The following PDZD7 variants were observed in gnomAD, a reference collection of about 807,000 sequenced individuals.
PDZD7 encodes the protein PDZ domain containing 7, also known as PDZ domain-containing protein 7.
PDZD7 carries 72 observed loss-of-function variants against 84.7 expected under a neutral mutation model. The ratio of observed to expected loss-of-function variants is 0.85; its 90% CI spans 0.70 to 1.03. The LOEUF (loss-of-function observed/expected upper bound fraction) is 1.03. Ranked by LOEUF, PDZD7 falls within the 50% of genes least tolerant of loss-of-function variation. The pLI, the probability that PDZD7 is intolerant of heterozygous loss-of-function variation, is 0.00. For missense variants in PDZD7, 1,490 were observed against 1,412.9 expected (o/e 1.05, Z -0.87); for synonymous variants, 594 against 580.7 (o/e 1.02, Z -0.33).
rs141375529 is a variant in PDZD7, at chr10:101,008,418, G to A, written c.*49C>T. On this transcript the variant is annotated 3_prime_UTR_variant, in exon 17 of 17. Coordinates refer to ENST00000619208, the MANE Select transcript of PDZD7 (RefSeq NM_001195263.2). Reference sequence around the variant, plus strand: ...AGAAGTTGGTAGGAGAGGTCCTGGGGATAACGGGATGCTGGAGTCAGTGGG... The same window carrying A: ...AGAAGTTGGTAGGAGAGGTCCTGGGAATAACGGGATGCTGGAGTCAGTGGG... 6.0e-5 allele frequency: 88 copies of A among 1,461,902 alleles called. No homozygotes were observed. The African/African-American group carries it at 7.4e-4, about 12-fold the overall frequency. The allele number at this position is 1,461,902 out of a possible 1,614,324, so 90.6% of individuals were successfully genotyped here.
Position 101,008,682 on chromosome 10 carries a change from CTGA to C in PDZD7, c.2884_2886del (p.Ser962del). 3 of 1,535,972 alleles carry C rather than the reference CTGA, an allele frequency of 2.0e-6. No individual in the cohort carries two copies. In the South Asian group the frequency reaches 3.6e-5, roughly 18 times the overall value. The stretch of plus-strand genomic sequence containing the variant: ...GCAGGAAGGCCCCCATCAGTAAGGG[CTGA>C]TGAGTCAGAGGGTGAGGGCCGTGGG... On this transcript the variant is annotated inframe_deletion, in exon 17 of 17. Coordinates refer to ENST00000619208, the MANE Select transcript of PDZD7 (RefSeq NM_001195263.2).
chr10:101,022,360 C>T lies in PDZD7; in HGVS notation c.568G>A (p.Val190Ile). The change falls in exon 5 of 17, where the codon GTA becomes ATA. Residue 190 changes from valine to isoleucine, a missense_variant. By Grantham distance (29) the Val-to-Ile change is conservative. Transcript: ENST00000619208. ...TWVDVVNRRL[V>I]VEKCGSTPSD... ...GGTGTTGAACCGCACTTCTCCACTA[C>T]CAGGCGCCGATTCACCACATCCACC... 6.2e-7 allele frequency: 1 copy of T among 1,614,176 alleles called. No individual in the cohort carries two copies. Among genetic ancestry groups the T allele is most frequent in the Non-Finnish European group, 8.5e-7 (1 of 1,180,034 alleles).
Position 101,008,109 on chromosome 10 carries a change from C to T in PDZD7, c.*358G>A, listed in dbSNP as rs956438818. ...TGCATTGACCCCTTCAGGGCCCTGT[C>T]TGAGAGTCTGTGTCCCTGGAGGCTT... On this transcript the variant is annotated 3_prime_UTR_variant, in exon 17 of 17. Coordinates refer to ENST00000619208, the MANE Select transcript of PDZD7 (RefSeq NM_001195263.2). 5 of 316,172 alleles carry T rather than the reference C, an allele frequency of 1.6e-5. No homozygotes were observed. The highest frequency in any genetic ancestry group is 2.9e-5 in the Non-Finnish European group (5 of 171,804). The allele number at this position is 316,172 out of a possible 1,614,324, so 19.6% of individuals were successfully genotyped here.
chr10:101,018,055 G>A, intron 9 of PDZD7, 44 bp downstream of exon 9: 1 of 1,612,916 alleles, frequency 6.2e-7, no homozygotes, highest in East Asian at 2.2e-5. Context: ...GCCGAAGCTA[G>A]TGGACTTCAC....
At position 101,023,894 on chromosome 10, in the gene PDZD7, T is replaced by A. The variant is rs373174742; in HGVS notation, c.367+34A>T. The A allele has an allele frequency of 6.2e-6, 10 of 1,614,052 alleles. No homozygotes were observed. In the African/African-American group the frequency reaches 1.3e-4, roughly 22 times the overall value. Reference sequence around the variant, plus strand: ...ATTCACTGAGATTGGAGTCACATCCTAAGCGTGGACTTCAGCCTGGGGGTT... The same window carrying A: ...ATTCACTGAGATTGGAGTCACATCCAAAGCGTGGACTTCAGCCTGGGGGTT... On this transcript the variant is annotated intron_variant, in intron 3 of 16. Coordinates refer to ENST00000619208, the MANE Select transcript of PDZD7 (RefSeq NM_001195263.2).
intron 10 of PDZD7, 28 bp from the exon 11 acceptor site, chr10:101,015,839 G>C: frequency 6.5e-7 from 1 of 1,534,498 alleles, no homozygotes; most frequent in Non-Finnish European, 8.8e-7. Flanking sequence ...TCAGGGGAGG[G>C]GAGAGGGGCT....
At chr10:101,028,865 A>G (rs1378675498) in intron 2 of PDZD7, among the ~76,000 whole-genome samples, 1 of 152,210 alleles carries the variant, frequency 6.6e-6, no homozygotes, top group Non-Finnish European at 1.5e-5. Context: ...GGTGAAGCAT[A>G]GACTGGTGTA....
Position 101,010,551 on chromosome 10 carries a change from T to TGCGGCG in PDZD7, c.2337_2338insCGCCGC (p.Arg779_Ser780insArgArg). 1 of 1,524,906 alleles carries TGCGGCG rather than the reference T, an allele frequency of 6.6e-7. No individual in the cohort carries two copies. The highest frequency in any genetic ancestry group is 1.4e-5 in the African/African-American group (1 of 72,724). 94.5% of individuals were successfully genotyped at this position (1,524,906 alleles called of 1,614,324 possible). A position where few individuals can be genotyped will look rare whatever the true frequency, so the allele number is the denominator to read the frequency against. On this transcript the variant is annotated inframe_insertion, in exon 15 of 17. Coordinates refer to ENST00000619208, the MANE Select transcript of PDZD7 (RefSeq NM_001195263.2). ...TGACCCCGGCTGCTGCGGCTGCGGC[T>TGCGGCG]GCGGCTACGGCTGCGGCTACGGCTC...
chr10:101,015,331 C>T (rs1474661324), intron 11 of PDZD7, among the ~76,000 whole-genome samples: 1 of 152,216 alleles, frequency 6.6e-6, no homozygotes. Context: ...GAGGGCCTCC[C>T]AGCCCACACC....
chr10:101,018,027 A>G lies in PDZD7; in HGVS notation c.1522+72T>C, dbSNP rs1852798778. The G allele has an allele frequency of 1.9e-6, 3 of 1,597,306 alleles. No homozygotes were observed. The Admixed American group carries it at 5.0e-5, about 27-fold the overall frequency. On this transcript the variant is annotated intron_variant, in intron 9 of 16. Coordinates refer to ENST00000619208, the MANE Select transcript of PDZD7 (RefSeq NM_001195263.2). ...CTGGTAAGACGCGGTGTGGGATCTC[A>G]ACTCAGAACTGCTGAATGCCGAAGC... is the stretch of plus-strand genomic sequence containing the variant.
chr10:101,019,027 C>A lies in PDZD7; in HGVS notation c.1119G>T (p.Glu373Asp), dbSNP rs933090644. ...WGRADTAMQT[E>D]PDAGGRVETW... Reference sequence around the variant, plus strand: ...TCTCCACCCGGCCTCCCGCATCGGGCTCCGTCTGCATGGCTGTGTCCGCCC... The same window carrying A: ...TCTCCACCCGGCCTCCCGCATCGGGATCCGTCTGCATGGCTGTGTCCGCCC... Residue 373 changes from glutamate to aspartate, a missense_variant, in exon 8 of 17, where the codon GAG becomes GAT. Transcript: ENST00000619208. 2 of 1,573,570 alleles carry A rather than the reference C, an allele frequency of 1.3e-6. No homozygotes were observed. Among genetic ancestry groups the A allele is most frequent in the Non-Finnish European group, 1.7e-6 (2 of 1,163,286 alleles).
rs564895478 is a variant in PDZD7 at position 101,012,730 on chromosome 10, C to G, written c.1750-472G>C. 1.9e-3 allele frequency among the ~76,000 whole-genome samples: 290 copies of G among 152,364 alleles called. 3 individuals are homozygous for G. The highest frequency in any genetic ancestry group is 6.1e-3 in the African/African-American group (253 of 41,580). ...GGGAGTGGACTCTCCTCCCCACCCC[C>G]ACATCCCAGGCAGAAGGAAGGAATT... On this transcript the variant is annotated intron_variant, in intron 11 of 16. Coordinates refer to ENST00000619208, the MANE Select transcript of PDZD7 (RefSeq NM_001195263.2).
chr10:101,009,297 C>T lies in PDZD7; in HGVS notation c.2671G>A (p.Glu891Lys). ...GCGGCCCCCCCAGGGAAGATCTTCTCTATCTTCACCATGGGCTGCACCTTG... is the reference window on the plus strand; with the variant it reads ...GCGGCCCCCCCAGGGAAGATCTTCTTTATCTTCACCATGGGCTGCACCTTG... ...ESKVQPMVKI[E>K]KIFPGGAAFL... is the part of the protein sequence containing the mutation. The change falls in exon 16 of 17, where the codon GAG (glutamate) becomes AAG (lysine). Residue 891 changes from glutamate to lysine, a missense_variant. Coordinates refer to ENST00000619208, the MANE Select transcript of PDZD7 (RefSeq NM_001195263.2). The T allele has an allele frequency of 3.3e-6, 5 of 1,536,068 alleles. No individual in the cohort carries two copies. Among genetic ancestry groups the T allele is most frequent in the Non-Finnish European group, 4.4e-6 (5 of 1,146,856 alleles).
intron 14 of PDZD7, 120 bp from the exon 15 acceptor site, chr10:101,011,003 G>T: frequency 6.7e-7 from 1 of 1,498,454 alleles, no homozygotes. Flanking sequence ...CCACTGCAGT[G>T]CGGCCCACCC....
chr10:101,014,799 C>G (rs1852538294), intron 11 of PDZD7, among the ~76,000 whole-genome samples: 1 of 152,176 alleles, frequency 6.6e-6, no homozygotes, highest in African/African-American at 2.4e-5. Context: ...GCACACACCA[C>G]ACAGACATAC....
At chr10:101,025,694 C>T (rs960310838) in intron 2 of PDZD7, among the ~76,000 whole-genome samples, 2 of 150,570 alleles carry the variant, frequency 1.3e-5, no homozygotes, top group East Asian at 2.0e-4. Context: ...ACTACAGGCG[C>T]CCACCACCAC....
In PDZD7 at chr10:101,019,186, C is replaced by CG. The variant is rs1319033309; in HGVS notation, c.959dup (p.Ala321GlyfsTer3). ...AGACGCTGGAGCTGCTCTCAGAGGC[C>CG]GGGGACAGCTGCTGCAGCACCCCGT... On this transcript the variant is annotated frameshift_variant, in exon 8 of 17. Coordinates refer to ENST00000619208, the MANE Select transcript of PDZD7 (RefSeq NM_001195263.2). LOFTEE classifies it high-confidence loss of function. The CG allele has an allele frequency of 6.5e-7, 1 of 1,536,242 alleles. No individual in the cohort carries two copies. The highest frequency in any genetic ancestry group is 8.7e-7 in the Non-Finnish European group (1 of 1,147,084).
rs563288790 is a variant in PDZD7 at position 101,023,166 on chromosome 10, A to T, written c.542+270T>A. 3.7e-4 allele frequency: 159 copies of T among 430,686 alleles called. 1 individual carries two copies. In the East Asian group the frequency reaches 7.0e-3, roughly 19 times the overall value. 26.7% of individuals were successfully genotyped at this position (430,686 alleles called of 1,614,324 possible). ...TAATCCTTACAGCACCCCTGTAGAG[A>T]GGTGGTGTTTTGCCTCTGGGTTTCA... On this transcript the variant is annotated intron_variant, in intron 4 of 16. Coordinates refer to ENST00000619208, the MANE Select transcript of PDZD7 (RefSeq NM_001195263.2).
Position 101,020,519 on chromosome 10 carries a change from T to C in PDZD7, c.928+99A>G, listed in dbSNP as rs905145477. On this transcript the variant is annotated intron_variant, in intron 7 of 16. Coordinates refer to ENST00000619208, the MANE Select transcript of PDZD7 (RefSeq NM_001195263.2). Reference sequence around the variant, plus strand: ...TCCCAAAATGCTGGGATTACAGGTGTAAGCCACCAAGCCTGGCCCTTTTCT... The same window carrying C: ...TCCCAAAATGCTGGGATTACAGGTGCAAGCCACCAAGCCTGGCCCTTTTCT... 49 of 1,159,020 alleles carry C rather than the reference T, an allele frequency of 4.2e-5. No individual in the cohort carries two copies. The African/African-American group carries it at 7.1e-4, about 17-fold the overall frequency. The allele number at this position is 1,159,020 out of a possible 1,614,324, so 71.8% of individuals were successfully genotyped here.
Sources: gnomAD v4.1 joint callset for allele counts (sites outside exome capture counted in the v4.1 genomes callset) on GRCh38, gnomAD v4.1.1 for gene constraint, MANE v1.5 for transcripts, NCBI Gene and HGNC (gene_info 2026-07-23, HGNC 2026-07-21) for gene names.